The following KLHL29 variants were observed in gnomAD, a reference collection of about 807,000 sequenced individuals.
KLHL29 encodes kelch-like protein 29.
A neutral mutation model predicts 80.4 loss-of-function variants in KLHL29; 21 were observed. The observed-to-expected ratio is 0.26, with a 90% CI of 0.19 to 0.38. The LOEUF is 0.38. Ranked by LOEUF, KLHL29 falls within the 10% of genes least tolerant of loss-of-function variation. The pLI is 1.00. For synonymous variants in KLHL29, 511 were observed against 526.8 expected (o/e 0.97, Z 0.41); for missense variants, 867 against 1,223.9 (o/e 0.71, Z 4.35).
rs1671914896 is a variant in KLHL29 at position 23,695,802 on chromosome 2, C to T, written c.1722C>T (p.Thr574=). The T allele has an allele frequency of 6.5e-7, 1 of 1,549,686 alleles. No homozygotes were observed. The highest frequency in any genetic ancestry group is 2.4e-5 in the East Asian group (1 of 40,936). The change falls in exon 9 of 14, where the codon ACC becomes ACT. Residue 574 remains threonine (T), a synonymous_variant. Transcript: ENST00000486442. This position sits in a 1 kb window ranked among gnomAD's most constrained non-coding sequence, Gnocchi z 7.6. ...GCCAGGAGATGCAGACGCCCCGAAC[C>T]CGGCCGCGCCTCTCTGCAGGTATGA... is the stretch of plus-strand genomic sequence containing the variant. ...HARQEMQTPR[T]RPRLSAGVAE... is the part of the protein sequence containing the mutation.
At chr2:23,489,211 G>A (rs1293849776) in intron 2 of KLHL29, among the ~76,000 whole-genome samples, 2 of 152,166 alleles carry the variant, frequency 1.3e-5, no homozygotes, top group African/African-American at 4.8e-5. Context: ...CTTGGAAGGT[G>A]CCCTCCTGTT....
intron 3 of KLHL29, among the ~76,000 whole-genome samples, chr2:23,615,756 C>A (rs564334640): frequency 1.3e-5 from 2 of 152,314 alleles, no homozygotes; most frequent in Non-Finnish European, 2.9e-5. Context: ...GTTAGGGTCA[C>A]TGCGTGGACA....
chr2:23,422,645 G>A (rs1482219491), intron 1 of KLHL29, among the ~76,000 whole-genome samples: 2 of 151,914 alleles, frequency 1.3e-5, no homozygotes, highest in Admixed American at 1.3e-4. Context: ...TGTTGTGTAT[G>A]TGCCTGTGTG....
chr2:23,619,341 G>A (rs1164963674), intron 3 of KLHL29, among the ~76,000 whole-genome samples: 2 of 152,170 alleles, frequency 1.3e-5, no homozygotes, highest in East Asian at 1.9e-4. Flanking sequence ...AGCCTGGGCC[G>A]CTGGGGAAAT....
chr2:23,539,697 C>T (rs1404501710), intron 2 of KLHL29, among the ~76,000 whole-genome samples: 1 of 152,078 alleles, frequency 6.6e-6, no homozygotes, highest in Non-Finnish European at 1.5e-5. Flanking sequence ...CTTCCTCAGT[C>T]TCCCAAAGTG....
intron 2 of KLHL29, among the ~76,000 whole-genome samples, chr2:23,560,189 C>T (rs1483385898): frequency 6.7e-6 from 1 of 149,650 alleles, no homozygotes; most frequent in Non-Finnish European, 1.5e-5. Flanking sequence ...TCAAGAAGTT[C>T]AGCCGAAAAA....
chr2:23,661,579 T>C (rs1670409869), intron 5 of KLHL29, among the ~76,000 whole-genome samples: 1 of 152,150 alleles, frequency 6.6e-6, no homozygotes, highest in Admixed American at 6.5e-5. Flanking sequence ...AACAAGAGTA[T>C]GTAATCCTGC....
At chr2:23,629,056 G>A (rs766246533) in intron 3 of KLHL29, among the ~76,000 whole-genome samples, 8 of 152,220 alleles carry the variant, frequency 5.3e-5, no homozygotes, top group South Asian at 4.1e-4. Context: ...CCAATGCCGC[G>A]GTGACCAGAA....
intron 1 of KLHL29, among the ~76,000 whole-genome samples, chr2:23,469,900 C>A (rs548546246): frequency 6.7e-6 from 1 of 149,998 alleles, no homozygotes; most frequent in Non-Finnish European, 1.5e-5. Flanking sequence ...CAGTGATGGG[C>A]GAATCTGTAT....
chr2:23,586,847 TC>T (rs147644983), intron 3 of KLHL29, among the ~76,000 whole-genome samples: 3,671 of 151,700 alleles, frequency 0.024, 157 homozygotes, highest in African/African-American at 0.084. Context: ...AATGCTCTCT[TC>T]CCCCCACGGG....
chr2:23,634,922 T>A (rs911333587), intron 3 of KLHL29, among the ~76,000 whole-genome samples: 1 of 150,848 alleles, frequency 6.6e-6, no homozygotes, highest in Non-Finnish European at 1.5e-5. Flanking sequence ...GCCAACACTT[T>A]AGCTCAGAGA....
At chr2:23,513,504 C>T (rs535049435) in intron 2 of KLHL29, among the ~76,000 whole-genome samples, 4 of 152,274 alleles carry the variant, frequency 2.6e-5, no homozygotes, top group East Asian at 1.9e-4. Context: ...AGGCAGGTTT[C>T]GTTTTGGATG....
At chr2:23,399,489 T>A (rs751896026) in intron 1 of KLHL29, among the ~76,000 whole-genome samples, 2 of 152,164 alleles carry the variant, frequency 1.3e-5, no homozygotes, top group Admixed American at 1.3e-4. Flanking sequence ...AGGAAAAAAA[T>A]GTGTTTTACA....
At chr2:23,424,832 A>G (rs1167322412) in intron 1 of KLHL29, among the ~76,000 whole-genome samples, 1 of 152,264 alleles carries the variant, frequency 6.6e-6, no homozygotes, top group Non-Finnish European at 1.5e-5. Flanking sequence ...ACATTTGAAC[A>G]TTACTAAAAC....
At chr2:23,444,171 C>T (rs1482298964) in intron 1 of KLHL29, among the ~76,000 whole-genome samples, 2 of 152,114 alleles carry the variant, frequency 1.3e-5, no homozygotes, top group African/African-American at 4.8e-5. Flanking sequence ...CTCTTAGGCA[C>T]TAGGGATGCT....
At chr2:23,576,556 G>T (rs1420140328) in intron 3 of KLHL29, among the ~76,000 whole-genome samples, 1 of 152,152 alleles carries the variant, frequency 6.6e-6, no homozygotes, top group East Asian at 1.9e-4. Context: ...AATAATTGAG[G>T]AAGAAACTGG....
intron 2 of KLHL29, among the ~76,000 whole-genome samples, chr2:23,558,392 A>G: frequency 7.5e-6 from 1 of 133,636 alleles, no homozygotes; most frequent in Non-Finnish European, 1.6e-5. Flanking sequence ...ATTTACTAGG[A>G]CTGTAAGACA....
chr2:23,559,811 T>A (rs1667404041), intron 2 of KLHL29, among the ~76,000 whole-genome samples: 1 of 150,966 alleles, frequency 6.6e-6, no homozygotes, highest in Admixed American at 6.6e-5. Context: ...AGGGATGAGA[T>A]CATCCGGGGA....
At chr2:23,408,109 A>G (rs1029681232) in intron 1 of KLHL29, among the ~76,000 whole-genome samples, 1 of 151,914 alleles carries the variant, frequency 6.6e-6, no homozygotes, top group Non-Finnish European at 1.5e-5. Flanking sequence ...ACTTAGTTCT[A>G]TACCACACTG....
Sources: allele counts gnomAD v4.1 joint callset (sites outside exome capture counted in the v4.1 genomes callset), GRCh38; gene constraint gnomAD v4.1.1; non-coding constraint Gnocchi (gnomAD v3.1); transcripts MANE v1.5; gene names NCBI Gene and HGNC (gene_info 2026-07-23, HGNC 2026-07-21).